Variants in TNRC6B observed in about 807,000 individuals in gnomAD.
TNRC6B encodes the protein trinucleotide repeat-containing gene 6B protein.
Under a neutral mutation model 203.6 loss-of-function variants are expected in TNRC6B, and 52 were observed. The ratio of observed to expected loss-of-function variants is 0.26; its 90% CI spans 0.20 to 0.32. The LOEUF (loss-of-function observed/expected upper bound fraction) is 0.32, where lower values mean the gene tolerates loss of function less well. Ranked by LOEUF, TNRC6B falls within the 10% of genes least tolerant of loss-of-function variation. TNRC6B has a pLI of 1.00. For missense variants in TNRC6B, 1,923 were observed against 2,286.2 expected (o/e 0.84, Z 3.24); for synonymous variants, 838 against 845.7 (o/e 0.99, Z 0.16).
At position 40,324,312 on chromosome 22, in the gene TNRC6B, A is replaced by G. The variant is rs1323234574; in HGVS notation, c.*1071A>G. 1.3e-5 allele frequency: 2 copies of G among 151,496 alleles called. No homozygotes were observed. Among genetic ancestry groups the G allele is most frequent in the African/African-American group, 4.9e-5 (2 of 41,072 alleles). 9.4% of individuals were successfully genotyped at this position (151,496 alleles called of 1,614,324 possible). A position where few individuals can be genotyped will look rare whatever the true frequency, so the allele number is the denominator to read the frequency against. On this transcript the variant is annotated 3_prime_UTR_variant, in exon 23 of 23. Transcript: ENST00000454349. ...TCTGTTTTTTTTTTTTTTTAAGTGA[A>G]TGGCCACCAGGCACATCTGAGTATC...
chr22:40,212,328 A>G (rs573616755), intron 1 of TNRC6B, among the ~76,000 whole-genome samples: 1 of 152,318 alleles, frequency 6.6e-6, no homozygotes, highest in South Asian at 2.1e-4. Flanking sequence ...CCTTTAGCTG[A>G]CGCCTGTTCA....
chr22:40,266,991 C>A lies in TNRC6B; in HGVS notation c.2761C>A (p.Arg921=). ...DKNSQGGPAP[R]EPNLPTPMTS... The stretch of plus-strand genomic sequence containing the variant: ...GAATTCCCAAGGGGGCCCAGCACCT[C>A]GAGAACCAAACCTGCCCACCCCAAT... The change falls in exon 5 of 23, where the codon CGA becomes AGA. Residue 921 remains arginine, a synonymous_variant. Coordinates refer to ENST00000454349, the MANE Select transcript of TNRC6B (RefSeq NM_001162501.2). 1 of 1,610,998 alleles carries A rather than the reference C, an allele frequency of 6.2e-7. No homozygotes were observed. The highest frequency in any genetic ancestry group is 8.5e-7 in the Non-Finnish European group (1 of 1,178,482).
In TNRC6B at chr22:40,239,063, C is replaced by T. The variant is rs146390639; in HGVS notation, c.6-6952C>T. ...ACTAAAAATACAAAAGTTAGCTGGG[C>T]GTGGTGGCAGGCGCCTGTAATCTCA... On this transcript the variant is annotated intron_variant, in intron 1 of 22. Transcript: ENST00000454349. 7.5e-3 allele frequency among the ~76,000 whole-genome samples: 1,142 copies of T among 152,214 alleles called. 3 individuals are homozygous for T. The highest frequency in any genetic ancestry group is 0.012 in the Non-Finnish European group (841 of 68,010).
chr22:40,144,666 C>T (rs1438928833), intron 3 of TNRC6B, among the ~76,000 whole-genome samples: 1 of 135,966 alleles, frequency 7.4e-6, no homozygotes, highest in Admixed American at 7.3e-5. Context: ...CAGAGCAAGA[C>T]TCCGTCTCGG....
At chr22:40,291,598 T>A (rs1230234416) in intron 12 of TNRC6B, among the ~76,000 whole-genome samples, 1 of 152,236 alleles carries the variant, frequency 6.6e-6, no homozygotes, top group African/African-American at 2.4e-5. Context: ...TTTCTGCTGT[T>A]GCTATGTAGC....
At chr22:40,258,865 G>A (rs923572856) in intron 3 of TNRC6B, among the ~76,000 whole-genome samples, 1 of 152,170 alleles carries the variant, frequency 6.6e-6, no homozygotes, top group African/African-American at 2.4e-5. Flanking sequence ...GAGTCAAACT[G>A]GTGTTCAGCC....
intron 1 of TNRC6B, among the ~76,000 whole-genome samples, chr22:40,068,772 T>A (rs1193774897): frequency 1.3e-5 from 2 of 151,138 alleles, no homozygotes; most frequent in Non-Finnish European, 2.9e-5. Flanking sequence ...TTTCTACAGA[T>A]GAGGTCTCGC....
chr22:40,045,756 G>C (rs2067682511), intron 1 of TNRC6B, among the ~76,000 whole-genome samples: 1 of 152,192 alleles, frequency 6.6e-6, no homozygotes, highest in Admixed American at 6.5e-5. Flanking sequence ...GTAGAGGCTG[G>C]ACATCCGATC....
In TNRC6B at chr22:40,335,132, TG is replaced by T. The variant is rs1166721541; in HGVS notation, c.*11896del. The T allele has an allele frequency of 6.7e-6, 1 of 148,746 alleles. No homozygotes were observed. Among genetic ancestry groups the T allele is most frequent in the Non-Finnish European group, 1.5e-5 (1 of 67,226 alleles). 9.2% of individuals were successfully genotyped at this position (148,746 alleles called of 1,614,324 possible). A position where few individuals can be genotyped will look rare whatever the true frequency, so the allele number is the denominator to read the frequency against. ...GTAGATAATGGGATTTAAGGACGCCTGGGGGAGAAAAGGGAGGATGTGGCAT... is the reference window on the plus strand; with the variant it reads ...GTAGATAATGGGATTTAAGGACGCCTGGGGAGAAAAGGGAGGATGTGGCAT... On this transcript the variant is annotated 3_prime_UTR_variant, in exon 23 of 23. Coordinates refer to ENST00000454349, the MANE Select transcript of TNRC6B (RefSeq NM_001162501.2).
chr22:40,300,457 T>C lies in TNRC6B; in HGVS notation c.3711T>C (p.Val1237=). The C allele has an allele frequency of 6.4e-7, 1 of 1,569,080 alleles. No individual in the cohort carries two copies. The highest frequency in any genetic ancestry group is 1.2e-5 in the South Asian group (1 of 81,176). ...QVPPQFISPQ[V]SASMLKQFPN... is the part of the protein sequence containing the mutation. The stretch of plus-strand genomic sequence containing the variant: ...TTCTTTTTTATTTTTTTGGCTAGGT[T>C]TCTGCCTCAATGCTCAAGCAGTTTC... The change falls in exon 13 of 23, where the codon GTT becomes GTC. Residue 1237 remains valine (V), a splice_region_variant and synonymous_variant. Transcript: ENST00000454349.
In TNRC6B at chr22:40,326,772, T is replaced by C. The variant is rs1252557859; in HGVS notation, c.*3531T>C. 6.6e-6 allele frequency: 1 copy of C among 152,628 alleles called. No homozygotes were observed. The highest frequency in any genetic ancestry group is 1.5e-5 in the Non-Finnish European group (1 of 68,042). 9.5% of individuals were successfully genotyped at this position (152,628 alleles called of 1,614,324 possible). ...GGTTAATAATTTTTGGAACAAATTT[T>C]AAATATAGGCATTACTAGAGGAAAA... On this transcript the variant is annotated 3_prime_UTR_variant, in exon 23 of 23. Transcript: ENST00000454349.
intron 1 of TNRC6B, among the ~76,000 whole-genome samples, chr22:40,225,641 G>A (rs138041): frequency 0.32 from 48,660 of 151,738 alleles, 9,553 homozygotes; most frequent in East Asian, 0.57. Flanking sequence ...TACGCGGGAG[G>A]CTGAGGCAGG....
At chr22:40,310,581 A>G (rs2071163040) in intron 16 of TNRC6B, among the ~76,000 whole-genome samples, 1 of 152,198 alleles carries the variant, frequency 6.6e-6, no homozygotes, top group East Asian at 1.9e-4. Flanking sequence ...CAAGCATGAG[A>G]ACAATCCTGT....
intron 1 of TNRC6B, among the ~76,000 whole-genome samples, chr22:40,240,127 G>A (rs1194930202): frequency 3.9e-5 from 6 of 152,040 alleles, no homozygotes; most frequent in Non-Finnish European, 7.4e-5. Flanking sequence ...AACTGTGCCC[G>A]GCCGAATATT....
chr22:40,253,506 T>A (rs922094763), intron 3 of TNRC6B: 7 of 312,084 alleles, frequency 2.2e-5, no homozygotes, highest in Non-Finnish European at 3.9e-5. Flanking sequence ...CACCACCAAA[T>A]TTTTTTTTTT....
chr22:40,160,554 ATTC>A (rs1033986027), intron 4 of TNRC6B, among the ~76,000 whole-genome samples: 23 of 151,170 alleles, frequency 1.5e-4, no homozygotes, highest in Admixed American at 2.0e-4. Context: ...AAACATTCTT[ATTC>A]TTATATCTTT....
chr22:40,225,686 T>TGAGC (rs2069773714), intron 1 of TNRC6B, among the ~76,000 whole-genome samples: 1 of 129,888 alleles, frequency 7.7e-6, no homozygotes. Flanking sequence ...GAGGTTGCAG[T>TGAGC]GAGCCAAAAT....
At chr22:40,224,225 G>A (rs529172957) in intron 1 of TNRC6B, among the ~76,000 whole-genome samples, 6 of 152,144 alleles carry the variant, frequency 3.9e-5, no homozygotes, top group South Asian at 2.1e-4. Context: ...GGCTGGTCTC[G>A]AACTCCTGAC....
chr22:40,248,892 TTTCAGAA>T (rs1454840234), intron 2 of TNRC6B, among the ~76,000 whole-genome samples: 1 of 152,242 alleles, frequency 6.6e-6, no homozygotes, highest in Non-Finnish European at 1.5e-5. Context: ...CATTGCATAA[TTTCAGAA>T]TTAAATTCTG....
Sources: allele counts gnomAD v4.1 joint callset (sites outside exome capture counted in the v4.1 genomes callset), GRCh38; gene constraint gnomAD v4.1.1; transcripts MANE v1.5; gene names NCBI Gene and HGNC (gene_info 2026-07-23, HGNC 2026-07-21).